Variants in IGF2BP2 observed in about 807,000 individuals in gnomAD.
The protein encoded by IGF2BP2 is insulin like growth factor 2 mRNA binding protein 2.
Under a neutral mutation model 75.8 loss-of-function variants are expected in IGF2BP2, and 17 were observed. That is an observed-to-expected ratio of 0.22 (90% CI 0.15 to 0.34). IGF2BP2 has a LOEUF of 0.34. IGF2BP2 is among the 10% of genes least tolerant of loss of function. IGF2BP2 has a pLI of 1.00. For missense variants in IGF2BP2, 516 were observed against 772.4 expected (o/e 0.67, Z 3.93); for synonymous variants, 288 against 295.6 (o/e 0.97, Z 0.26).
chr3:185,652,698 G>A (rs534467810), intron 12 of IGF2BP2, among the ~76,000 whole-genome samples: 1 of 152,312 alleles, frequency 6.6e-6, no homozygotes, highest in Non-Finnish European at 1.5e-5. Context: ...CACGGCAAGT[G>A]GGTCATAAGT....
chr3:185,782,140 T>C (rs1217961500), intron 2 of IGF2BP2, among the ~76,000 whole-genome samples: 1 of 152,118 alleles, frequency 6.6e-6, no homozygotes, highest in Non-Finnish European at 1.5e-5. Context: ...CCTTCTTCGT[T>C]CAGAAAGAAA....
chr3:185,696,205 A>T (rs1257197746), intron 4 of IGF2BP2, among the ~76,000 whole-genome samples: 1 of 152,210 alleles, frequency 6.6e-6, no homozygotes, highest in African/African-American at 2.4e-5. Flanking sequence ...TTATTGGTAT[A>T]GGAGTCCTAT....
chr3:185,752,750 C>T (rs897322429), intron 2 of IGF2BP2, among the ~76,000 whole-genome samples: 100 of 152,042 alleles, frequency 6.6e-4, no homozygotes, highest in African/African-American at 2.4e-3. Context: ...GTGTGTGCCA[C>T]CACACCCAGC....
chr3:185,776,799 C>T (rs887875407), intron 2 of IGF2BP2, among the ~76,000 whole-genome samples: 2 of 152,188 alleles, frequency 1.3e-5, no homozygotes, highest in South Asian at 2.1e-4. Context: ...TCATCTTCAT[C>T]GGTCTTGTCA....
intron 2 of IGF2BP2, chr3:185,713,550 C>G (rs910668496): frequency 4.7e-5 from 24 of 506,180 alleles, no homozygotes; most frequent in Middle Eastern, 6.5e-4. Context: ...GGTGAGACAT[C>G]AGAATGAAAA....
Position 185,749,254 on chromosome 3 carries a change from A to G in IGF2BP2, c.240-50907T>C, listed in dbSNP as rs1405856601. Among the ~76,000 whole-genome samples the G allele has an allele frequency of 2.0e-5, 3 of 152,246 alleles. No homozygotes were observed. In the East Asian group the frequency reaches 5.8e-4, roughly 29 times the overall value. On this transcript the variant is annotated intron_variant, in intron 2 of 15. Transcript: ENST00000382199. Reference sequence around the variant, plus strand: ...AATTTAACCTACACATATACATGTCAAGGCTCTGTTGTAAAGGATAATTGT... The same window carrying G: ...AATTTAACCTACACATATACATGTCGAGGCTCTGTTGTAAAGGATAATTGT...
At chr3:185,659,320 A>C (rs1456498248) in intron 10 of IGF2BP2, among the ~76,000 whole-genome samples, 2 of 152,230 alleles carry the variant, frequency 1.3e-5, no homozygotes, top group Non-Finnish European at 2.9e-5. Flanking sequence ...AGATATGGAC[A>C]GAAAAAAAGT....
At chr3:185,728,331 G>C (rs1469839886) in intron 2 of IGF2BP2, 1 of 152,254 alleles carries the variant, frequency 6.6e-6, no homozygotes, top group African/African-American at 2.4e-5. Context: ...CGGGTGGCAA[G>C]AGTTGGTAGG....
chr3:185,672,712 G>C (rs751981648), intron 9 of IGF2BP2, 43 bp from the exon 10 acceptor site: 1 of 1,612,202 alleles, frequency 6.2e-7, no homozygotes, highest in South Asian at 1.1e-5. Context: ...GAGGAGACCA[G>C]AGAGGCCCGC....
chr3:185,818,994 T>C (rs1740976841), intron 2 of IGF2BP2, among the ~76,000 whole-genome samples: 1 of 152,192 alleles, frequency 6.6e-6, no homozygotes, highest in African/African-American at 2.4e-5. Context: ...TTTAAAAATA[T>C]TTTAAAAGTT....
At chr3:185,780,136 A>T (rs946174637) in intron 2 of IGF2BP2, among the ~76,000 whole-genome samples, 1 of 152,184 alleles carries the variant, frequency 6.6e-6, no homozygotes, top group African/African-American at 2.4e-5. Context: ...TGTTTAAAGT[A>T]AAAGAAAAGA....
At chr3:185,698,009 G>A (rs1722807281) in intron 3 of IGF2BP2, among the ~76,000 whole-genome samples, 2 of 152,052 alleles carry the variant, frequency 1.3e-5, no homozygotes, top group Non-Finnish European at 2.9e-5. Context: ...CAAACCATGA[G>A]ATACAAATCA....
chr3:185,716,709 T>C (rs1196991688), intron 2 of IGF2BP2: 2 of 520,072 alleles, frequency 3.8e-6, no homozygotes, highest in South Asian at 1.4e-5. Context: ...TGGTGGTGCA[T>C]GGAGGAAGCC....
rs567009511 is a variant in IGF2BP2, at chr3:185,788,776, G to A, written c.239+34377C>T. 1.1e-4 allele frequency among the ~76,000 whole-genome samples: 16 copies of A among 142,694 alleles called. No individual in the cohort carries two copies. In the East Asian group the frequency reaches 2.1e-3, roughly 19 times the overall value. 93.6% of individuals were successfully genotyped at this position (142,694 alleles called of 152,430 possible). A position where few individuals can be genotyped will look rare whatever the true frequency, so the allele number is the denominator to read the frequency against. On this transcript the variant is annotated intron_variant, in intron 2 of 15. Coordinates refer to ENST00000382199, the MANE Select transcript of IGF2BP2 (RefSeq NM_006548.6). ...TCTGCCCAGGCTGGAGCGCAGTGGC[G>A]CGATCTCAGCTCGCTGCAGCCTCCA...
intron 2 of IGF2BP2, among the ~76,000 whole-genome samples, chr3:185,771,374 G>GA (rs1413151813): frequency 7.9e-4 from 1 of 1,272 alleles, no homozygotes; most frequent in Admixed American, 6.8e-3. Context: ...CTGGGAGGTG[G>GA]AGTTGCAGTG....
intron 2 of IGF2BP2, among the ~76,000 whole-genome samples, chr3:185,749,769 C>A (rs1046701065): frequency 1.3e-5 from 2 of 152,176 alleles, no homozygotes; most frequent in Non-Finnish European, 2.9e-5. Context: ...TTGAAAGGCA[C>A]TATTTCAATT....
intron 1 of IGF2BP2, among the ~76,000 whole-genome samples, chr3:185,824,381 G>A (rs1741766270): frequency 6.7e-6 from 1 of 150,320 alleles, no homozygotes; most frequent in Non-Finnish European, 1.5e-5. Flanking sequence ...TTTGGGGAAG[G>A]GGGGACCCTG....
At chr3:185,691,774 G>A (rs1355080401) in intron 5 of IGF2BP2, among the ~76,000 whole-genome samples, 1 of 152,084 alleles carries the variant, frequency 6.6e-6, no homozygotes, top group Non-Finnish European at 1.5e-5. Context: ...TTGCTCTGTT[G>A]CCCAGGCTGG....
At chr3:185,818,556 G>C (rs1320683771) in intron 2 of IGF2BP2, among the ~76,000 whole-genome samples, 1 of 152,114 alleles carries the variant, frequency 6.6e-6, no homozygotes, top group African/African-American at 2.4e-5. Context: ...CCATCTACCT[G>C]AAACTGTCCC....
Sources: allele counts gnomAD v4.1 joint callset (sites outside exome capture counted in the v4.1 genomes callset), GRCh38; gene constraint gnomAD v4.1.1; transcripts MANE v1.5; gene names NCBI Gene and HGNC (gene_info 2026-07-23, HGNC 2026-07-21).